The following ASIC2 variants were observed in gnomAD, a reference collection of about 807,000 sequenced individuals.
ASIC2 encodes acid-sensing ion channel 2.
In ASIC2, 25 loss-of-function variants were observed where a neutral mutation model predicts 57.3. The ratio of observed to expected loss-of-function variants is 0.44; its 90% confidence interval spans 0.32 to 0.61. The LOEUF is 0.61. Ranked by LOEUF, ASIC2 falls within the 20% of genes least tolerant of loss-of-function variation. The probability of loss-of-function intolerance (pLI) is 0.06; values close to 1 mark genes in which losing one functional copy is unlikely to be tolerated. For synonymous variants in ASIC2, 319 were observed against 307.5 expected, an observed-to-expected ratio of 1.04 and a Z score of -0.39; for missense variants, 641 against 738.1, an observed-to-expected ratio of 0.87 and a Z score of 1.52.
intron 1 of ASIC2, among the ~76,000 whole-genome samples, chr17:33,261,491 T>C (rs1213798251): frequency 6.6e-6 from 1 of 152,140 alleles, no homozygotes; most frequent in Non-Finnish European, 1.5e-5. Flanking sequence ...CTGGAGAAAG[T>C]CAATTAACTT....
At chr17:33,081,450 C>T (rs923634065) in intron 3 of ASIC2, among the ~76,000 whole-genome samples, 3 of 152,100 alleles carry the variant, frequency 2.0e-5, no homozygotes, top group Non-Finnish European at 4.4e-5. Context: ...CCTTGTGGCA[C>T]CTCTCCAGTG....
At chr17:33,116,941 C>T (rs1265827022) in intron 1 of ASIC2, among the ~76,000 whole-genome samples, 1 of 151,946 alleles carries the variant, frequency 6.6e-6, no homozygotes, top group East Asian at 1.9e-4. Context: ...TCTCAAACTC[C>T]TGGGCTCAAG....
rs71144896 is a variant in ASIC2 at position 33,678,435 on chromosome 17, C to CCACACA, written c.555+477537_555+477542dup. On this transcript the variant is annotated intron_variant, in intron 1 of 9. Transcript: ENST00000359872. ...TCTGAACTATGGTGCCTGGTTCAAT[C>CCACACA]CACACACACACACACACACACACAC... 3.5e-3 allele frequency among the ~76,000 whole-genome samples: 485 copies of CCACACA among 139,592 alleles called. 6 individuals are homozygous for CCACACA. The highest frequency in any genetic ancestry group is 0.015 in the Middle Eastern group (4 of 272). The allele number at this position is 139,592 out of a possible 152,430, so 91.6% of individuals were successfully genotyped here.
At chr17:33,739,092 G>A (rs1384642260) in intron 1 of ASIC2, among the ~76,000 whole-genome samples, 1 of 152,254 alleles carries the variant, frequency 6.6e-6, no homozygotes, top group Non-Finnish European at 1.5e-5. Context: ...TGCATTCAAA[G>A]AGAAAATTAC....
chr17:33,374,255 T>G (rs1347122081), intron 1 of ASIC2, among the ~76,000 whole-genome samples: 1 of 151,960 alleles, frequency 6.6e-6, no homozygotes, highest in Non-Finnish European at 1.5e-5. Context: ...CCTCCACCTC[T>G]CAAAGTGCTG....
At chr17:33,433,690 A>C (rs1703612634) in intron 1 of ASIC2, among the ~76,000 whole-genome samples, 1 of 152,204 alleles carries the variant, frequency 6.6e-6, no homozygotes, top group African/African-American at 2.4e-5. Flanking sequence ...CAGAGGTTGC[A>C]GTGAGCGTAG....
At chr17:33,297,907 T>TG (rs1405756178), upstream of ASIC2, among the ~76,000 whole-genome samples, 1 of 149,668 alleles carries the variant, frequency 6.7e-6, no homozygotes, top group Non-Finnish European at 1.5e-5. Flanking sequence ...TGGGCTTTTG[T>TG]GGGGGTAACT....
chr17:33,156,558 C>T (rs1905009081), intron 1 of ASIC2, among the ~76,000 whole-genome samples: 1 of 151,804 alleles, frequency 6.6e-6, no homozygotes, highest in South Asian at 2.1e-4. Flanking sequence ...GAGTTTGAGA[C>T]CAGCCTGACC....
intron 1 of ASIC2, among the ~76,000 whole-genome samples, chr17:33,860,249 A>G (rs574640885): frequency 6.6e-6 from 1 of 152,196 alleles, no homozygotes; most frequent in African/African-American, 2.4e-5. Flanking sequence ...TCTTCCCTCC[A>G]GGTAGAAAGG....
intron 1 of ASIC2, among the ~76,000 whole-genome samples, chr17:34,014,556 A>T (rs1272641093): frequency 6.6e-6 from 1 of 152,202 alleles, no homozygotes; most frequent in African/African-American, 2.4e-5. Flanking sequence ...GGCCCCGTCC[A>T]CAGACACCTA....
intron 1 of ASIC2, among the ~76,000 whole-genome samples, chr17:33,944,274 G>C (rs148378060): frequency 2.8e-4 from 42 of 152,344 alleles, no homozygotes; most frequent in Admixed American, 1.2e-3. Context: ...GTGACCCATA[G>C]GGTCTGAGCT....
At chr17:33,556,700 C>T (rs930566921) in intron 1 of ASIC2, among the ~76,000 whole-genome samples, 3 of 152,182 alleles carry the variant, frequency 2.0e-5, no homozygotes, top group African/African-American at 7.2e-5. Flanking sequence ...GAGGGAAGAA[C>T]TTTGTGGAAT....
In ASIC2 at chr17:33,714,100, T is replaced by C. The variant is rs757075280; in HGVS notation, c.555+441878A>G. On this transcript the variant is annotated intron_variant, in intron 1 of 9. Transcript: ENST00000359872. ...AAAATTTCTGGATGGGTGCATGTTG[T>C]TTGAATATAACTCTTACATTGACTG... 2.0e-5 allele frequency among the ~76,000 whole-genome samples: 3 copies of C among 152,136 alleles called. No individual in the cohort carries two copies. In the East Asian group the frequency reaches 5.8e-4, roughly 29 times the overall value.
intron 1 of ASIC2, among the ~76,000 whole-genome samples, chr17:33,372,346 T>C (rs1259740551): frequency 6.6e-6 from 1 of 152,086 alleles, no homozygotes; most frequent in African/African-American, 2.4e-5. Context: ...ACATTGTCCT[T>C]GAGTGATCTC....
intron 1 of ASIC2, among the ~76,000 whole-genome samples, chr17:33,801,858 G>A (rs901068838): frequency 7.2e-5 from 11 of 152,124 alleles, no homozygotes; most frequent in African/African-American, 2.7e-4. Flanking sequence ...CTACTGTACC[G>A]GACAGCACAG....
At chr17:34,126,559 T>G (rs1911787034) in intron 1 of ASIC2, among the ~76,000 whole-genome samples, 1 of 152,152 alleles carries the variant, frequency 6.6e-6, no homozygotes, top group Non-Finnish European at 1.5e-5. Context: ...TCTTCTCCAC[T>G]TCTCTCTCAG....
intron 1 of ASIC2, among the ~76,000 whole-genome samples, chr17:33,244,516 AG>A (rs1390843789): frequency 6.6e-6 from 1 of 152,256 alleles, no homozygotes; most frequent in Non-Finnish European, 1.5e-5. Flanking sequence ...TTTTCCATGC[AG>A]ATGTTTGACT....
intron 1 of ASIC2, among the ~76,000 whole-genome samples, chr17:34,026,450 G>A (rs1181060351): frequency 2.6e-4 from 39 of 152,174 alleles, no homozygotes; most frequent in Admixed American, 2.6e-3. Context: ...CCAAACCGAT[G>A]AGTTTCATTC....
At chr17:34,052,340 G>A (rs1908599358) in intron 1 of ASIC2, among the ~76,000 whole-genome samples, 1 of 152,144 alleles carries the variant, frequency 6.6e-6, no homozygotes, top group African/African-American at 2.4e-5. Flanking sequence ...GGACCAAAAT[G>A]CTGAGACTTT....
Sources: gnomAD v4.1 joint callset for allele counts (sites outside exome capture counted in the v4.1 genomes callset) on GRCh38, gnomAD v4.1.1 for gene constraint, MANE v1.5 for transcripts, NCBI Gene and HGNC (gene_info 2026-07-23, HGNC 2026-07-21) for gene names.